PSORS1C1: variants seen among roughly 807,000 people sequenced by gnomAD.
PSORS1C1 encodes the protein psoriasis susceptibility 1 candidate 1.
In PSORS1C1, 7 loss-of-function variants were observed where a neutral mutation model predicts 9.4. The observed-to-expected ratio is 0.75, with a 90% CI of 0.42 to 1.40. The LOEUF (loss-of-function observed/expected upper bound fraction) is 1.40. Among genes scored for constraint, PSORS1C1 ranks in the 40% most tolerant of loss-of-function variants. PSORS1C1 has a pLI of 0.01. For missense variants in PSORS1C1, 146 were observed against 178.1 expected, an observed-to-expected ratio of 0.82 and a Z score of 1.02; for synonymous variants, 63 against 69.4, an observed-to-expected ratio of 0.91 and a Z score of 0.46.
chr6:31,136,280 G>A (rs1362102940), intron 3 of PSORS1C1, among the ~76,000 whole-genome samples: 6 of 151,286 alleles, frequency 4.0e-5, no homozygotes, highest in South Asian at 2.1e-4. Flanking sequence ...CCAGCTACTC[G>A]GGAGGTTGAG....
chr6:31,123,551 G>A (rs3778630), intron 1 of PSORS1C1, among the ~76,000 whole-genome samples: 9,071 of 152,268 alleles, frequency 0.06, 345 homozygotes, highest in African/African-American at 0.11. Flanking sequence ...GCCCCTGCCC[G>A]TGCCCGTGCA....
rs371805244 is a variant in PSORS1C1 at position 31,124,895 on chromosome 6, G to A, written c.-228-781G>A. On this transcript the variant is annotated intron_variant, in intron 1 of 5. Transcript: ENST00000259881. ...AGGCAGGAGAATCATTTGAACCGGC[G>A]AGGCGGAGGCTGCAGTGAGCCGATT... Among the ~76,000 whole-genome samples, 95 of 152,242 alleles carry A rather than the reference G, an allele frequency of 6.2e-4. No individual in the cohort carries two copies. The East Asian group carries it at 8.1e-3, about 13-fold the overall frequency.
intron 3 of PSORS1C1, chr6:31,137,648 C>T (rs1315174760): frequency 2.8e-6 from 1 of 352,214 alleles, no homozygotes; most frequent in Non-Finnish European, 5.1e-6. Context: ...AGCCCTGCCC[C>T]AGCGATCGCG....
chr6:31,117,469 G>C lies in PSORS1C1; in HGVS notation c.-229+2578G>C, dbSNP rs141019235. 1.7e-5 allele frequency: 26 copies of C among 1,553,590 alleles called. No homozygotes were observed. The African/African-American group carries it at 3.4e-4, about 20-fold the overall frequency. On this transcript the variant is annotated intron_variant, in intron 1 of 5. Coordinates refer to ENST00000259881, the MANE Select transcript of PSORS1C1 (RefSeq NM_014068.3). ...AGTGAGGCAGGGGTCGTTAGGGGAG[G>C]TGATACGCGTGGGGTCCTTACAAGG... is the stretch of plus-strand genomic sequence containing the variant.
chr6:31,120,454 C>A (rs757486236), intron 1 of PSORS1C1: 1 of 1,513,408 alleles, frequency 6.6e-7, no homozygotes, highest in Non-Finnish European at 9.0e-7. Flanking sequence ...GATGGCAGCT[C>A]AAGGACACCC....
At chr6:31,124,420 CCT>C (rs764537074) in intron 1 of PSORS1C1, among the ~76,000 whole-genome samples, 35 of 152,286 alleles carry the variant, frequency 2.3e-4, no homozygotes, top group Non-Finnish European at 3.1e-4. Context: ...GCTTTTTCCC[CCT>C]GTTTCACAGA....
rs748931896 is a variant in PSORS1C1 at position 31,138,412 on chromosome 6, G to GACA, written c.14-17_14-16insCAA. 1 of 1,612,232 alleles carries GACA rather than the reference G, an allele frequency of 6.2e-7. No individual in the cohort carries two copies. The highest frequency in any genetic ancestry group is 1.1e-5 in the South Asian group (1 of 91,052). On this transcript the variant is annotated splice_polypyrimidine_tract_variant and intron_variant, in intron 3 of 5. Transcript: ENST00000259881. The stretch of plus-strand genomic sequence containing the variant: ...GAGCCTGTCTGGATGGACGCAGCCT[G>GACA]AACTGACCCACAAACAGACCAAAAA...
At position 31,138,112 on chromosome 6, in the gene PSORS1C1, G is replaced by A. The variant is rs2233953; in HGVS notation, c.14-318G>A. Reference sequence around the variant, plus strand: ...GGAGGATCCGTTCTAGGCGGTTCAGGGAGCCAGACTCCAGTTTCAGGCAGG... The same window carrying A: ...GGAGGATCCGTTCTAGGCGGTTCAGAGAGCCAGACTCCAGTTTCAGGCAGG... On this transcript the variant is annotated intron_variant, in intron 3 of 5. Coordinates refer to ENST00000259881, the MANE Select transcript of PSORS1C1 (RefSeq NM_014068.3). 10,488 of 1,603,942 alleles carry A rather than the reference G, an allele frequency of 6.5e-3. 263 individuals carry two copies. Among genetic ancestry groups the A allele is most frequent in the East Asian group, 0.046 (2,050 of 44,828 alleles).
At chr6:31,135,062 C>T (rs900337988) in intron 3 of PSORS1C1, among the ~76,000 whole-genome samples, 3 of 152,134 alleles carry the variant, frequency 2.0e-5, no homozygotes, top group Admixed American at 6.5e-5. Context: ...GCAATCCACC[C>T]GATTCGGCCT....
chr6:31,139,651 G>T lies in PSORS1C1; in HGVS notation c.178G>T (p.Asp60Tyr). 6.2e-7 allele frequency: 1 copy of T among 1,611,670 alleles called. No homozygotes were observed. Among genetic ancestry groups the T allele is most frequent in the Non-Finnish European group, 8.5e-7 (1 of 1,178,958 alleles). ...CATGTCCTTCTTCAGGCATGCAGGGGACCTCCAAGCAATGATATCCAAGGA... is the reference window on the plus strand; with the variant it reads ...CATGTCCTTCTTCAGGCATGCAGGGTACCTCCAAGCAATGATATCCAAGGA... ...EPANHFWHAG[D>Y]LQAMISKEFH... Residue 60 changes from aspartate to tyrosine, a missense_variant, in exon 6 of 6, where the codon GAC (aspartate) becomes TAC (tyrosine). Physicochemically the swap from Asp to Tyr is radical, Grantham distance 160 (BLOSUM62 -3). Coordinates refer to ENST00000259881, the MANE Select transcript of PSORS1C1 (RefSeq NM_014068.3). This position sits in a 1 kb window ranked among gnomAD's most constrained non-coding sequence, Gnocchi z 5.2.
At chr6:31,119,980 G>C (rs910960303) in intron 1 of PSORS1C1, among the ~76,000 whole-genome samples, 17 of 152,010 alleles carry the variant, frequency 1.1e-4, no homozygotes, top group African/African-American at 1.9e-4. Context: ...ATATAAAAAG[G>C]CTCTAAAAAT....
At chr6:31,136,318 C>T (rs555885259) in intron 3 of PSORS1C1, among the ~76,000 whole-genome samples, 48 of 142,710 alleles carry the variant, frequency 3.4e-4, no homozygotes, top group Admixed American at 5.8e-4. Context: ...ATCCAGGAGG[C>T]GAAGGTTGCA....
chr6:31,129,988 G>A (rs543870628), intron 3 of PSORS1C1, among the ~76,000 whole-genome samples: 2 of 152,164 alleles, frequency 1.3e-5, no homozygotes, highest in African/African-American at 2.4e-5. Flanking sequence ...TACTCAGGAC[G>A]CTGTGGTAGG....
At chr6:31,134,583 G>A (rs1027769777) in intron 3 of PSORS1C1, among the ~76,000 whole-genome samples, 4 of 152,218 alleles carry the variant, frequency 2.6e-5, no homozygotes, top group Non-Finnish European at 4.4e-5. Flanking sequence ...GGGATTACAG[G>A]CGTGAGCCAC....
intron 3 of PSORS1C1, among the ~76,000 whole-genome samples, chr6:31,135,620 T>C (rs1773105847): frequency 6.6e-6 from 1 of 152,236 alleles, no homozygotes; most frequent in East Asian, 1.9e-4. Flanking sequence ...AGAACTTTCA[T>C]ATCTGTTAGC....
At chr6:31,129,301 C>A (rs192866023) in intron 2 of PSORS1C1, among the ~76,000 whole-genome samples, 1 of 152,108 alleles carries the variant, frequency 6.6e-6, no homozygotes, top group Non-Finnish European at 1.5e-5. Context: ...ATAGACGTGA[C>A]GGTGTCCCTG....
chr6:31,117,187 T>TTCCCGAGTGAGAGCCGCTGC (rs750143082), intron 1 of PSORS1C1: 7 of 1,613,864 alleles, frequency 4.3e-6, no homozygotes, highest in South Asian at 2.2e-5. Flanking sequence ...AGAGCCGCTG[T>TTCCCGAGTGAGAGCCGCTGC]TTCCCGAGTG....
In PSORS1C1 at chr6:31,115,887, G is replaced by A. The variant is rs1042134; in HGVS notation, c.-229+996G>A. 388,434 of 727,972 alleles carry A rather than the reference G, an allele frequency of 0.53. 107,448 individuals carry two copies. Among genetic ancestry groups the A allele is most frequent in the East Asian group, 0.68 (25,612 of 37,690 alleles). 45.1% of individuals were successfully genotyped at this position (727,972 alleles called of 1,614,324 possible). ...AGAGAGTCTGCAACCTTGGGGTAGT[G>A]GAGAAAGCAGAACCACTCTTTTGGG... is the stretch of plus-strand genomic sequence containing the variant. On this transcript the variant is annotated intron_variant, in intron 1 of 5. Coordinates refer to ENST00000259881, the MANE Select transcript of PSORS1C1 (RefSeq NM_014068.3). The surrounding 1 kb of genome is among the most constrained non-coding windows in gnomAD (Gnocchi z 4.2).
Position 31,139,887 on chromosome 6 carries a change from G to A in PSORS1C1, c.414G>A (p.Ser138=), listed in dbSNP as rs1407894076. ...SRTLAPTLLY[S]SPPSHSPFGL... The stretch of plus-strand genomic sequence containing the variant: ...CCTTGGCTCCAACTCTATTGTACTC[G>A]TCTCCTCCCTCCCATTCTCCTTTTG... The change falls in exon 6 of 6, where the codon TCG becomes TCA. Residue 138 remains serine (S), a synonymous_variant. Transcript: ENST00000259881. The surrounding 1 kb of genome is among the most constrained non-coding windows in gnomAD (Gnocchi z 5.2). The A allele has an allele frequency of 1.6e-5, 25 of 1,612,738 alleles. No individual in the cohort carries two copies. Among genetic ancestry groups the A allele is most frequent in the African/African-American group, 8.0e-5 (6 of 74,836 alleles).
Sources: gnomAD v4.1 joint callset for allele counts (sites outside exome capture counted in the v4.1 genomes callset) on GRCh38, gnomAD v4.1.1 for gene constraint, Gnocchi (gnomAD v3.1) non-coding constraint, MANE v1.5 for transcripts, NCBI Gene and HGNC (gene_info 2026-07-23, HGNC 2026-07-21) for gene names.